DNAH12: variants seen among roughly 807,000 people sequenced by gnomAD.
The protein encoded by DNAH12 is axonemal beta dynein heavy chain 12.
Under a neutral mutation model 371.5 loss-of-function variants are expected in DNAH12, and 285 were observed. The observed-to-expected ratio is 0.77, with a 90% CI of 0.70 to 0.85. The LOEUF (loss-of-function observed/expected upper bound fraction) is 0.85, where lower values mean the gene tolerates loss of function less well. DNAH12 is among the 40% of genes least tolerant of loss of function. The pLI, the probability that DNAH12 is intolerant of heterozygous loss-of-function variation, is 0.00. For synonymous variants in DNAH12, 1,200 were observed against 1,213.0 expected (o/e 0.99, Z 0.22); for missense variants, 3,611 against 3,689.4 (o/e 0.98, Z 0.55).
intron 56 of DNAH12, among the ~76,000 whole-genome samples, 173 bp downstream of exon 56, chr3:57,367,873 G>A (rs2063085629): frequency 6.6e-6 from 1 of 152,168 alleles, no homozygotes; most frequent in African/African-American, 2.4e-5. Context: ...TAGAATACCT[G>A]GCTAAGGTTC....
chr3:57,461,006 T>C (rs1202726927), intron 19 of DNAH12, among the ~76,000 whole-genome samples: 2 of 152,216 alleles, frequency 1.3e-5, no homozygotes, highest in East Asian at 3.8e-4. Context: ...CCAGTTAGGA[T>C]AGTTTTCATA....
intron 64 of DNAH12, among the ~76,000 whole-genome samples, chr3:57,322,702 G>A (rs567993298): frequency 2.0e-5 from 3 of 152,228 alleles, no homozygotes; most frequent in African/African-American, 4.8e-5. Context: ...GGCTGAGGCG[G>A]GTGGATCACC....
At chr3:57,478,686 T>A (rs1460603379) in intron 13 of DNAH12, among the ~76,000 whole-genome samples, 1 of 152,118 alleles carries the variant, frequency 6.6e-6, no homozygotes, top group Non-Finnish European at 1.5e-5. Flanking sequence ...AAGGTTGGGT[T>A]ACCAACAAAG....
chr3:57,436,822 G>A, intron 30 of DNAH12, 129 bp downstream of exon 30: 2 of 592,544 alleles, frequency 3.4e-6, no homozygotes, highest in Non-Finnish European at 2.8e-6. Flanking sequence ...CCACTGGGGG[G>A]CCAGGGGGCG....
intron 4 of DNAH12, among the ~76,000 whole-genome samples, chr3:57,521,108 T>G (rs1281922181): frequency 6.8e-6 from 1 of 147,894 alleles, no homozygotes. Flanking sequence ...AAATTCTGGA[T>G]TGTGCTTTCG....
At chr3:57,415,319 T>G in intron 38 of DNAH12, 107 bp downstream of exon 38, 1 of 1,396,950 alleles carries the variant, frequency 7.2e-7, no homozygotes, top group Non-Finnish European at 9.5e-7. Context: ...TTGAAAGTTT[T>G]AAATTCATAG....
At chr3:57,342,979 G>GA (rs1470142617) in intron 60 of DNAH12, among the ~76,000 whole-genome samples, 13 of 151,952 alleles carry the variant, frequency 8.6e-5, no homozygotes, top group African/African-American at 3.1e-4. Flanking sequence ...AGCTGGGGTG[G>GA]AAGGATCACC....
Position 57,425,144 on chromosome 3 carries a change from G to A in DNAH12, c.5254-3C>T, listed in dbSNP as rs769294621. 38 of 693,196 alleles carry A rather than the reference G, an allele frequency of 5.5e-5. No homozygotes were observed. Among genetic ancestry groups the A allele is most frequent in the Middle Eastern group, 4.6e-4 (2 of 4,336 alleles). 42.9% of individuals were successfully genotyped at this position (693,196 alleles called of 1,614,324 possible). A position where few individuals can be genotyped will look rare whatever the true frequency, so the allele number is the denominator to read the frequency against. Reference sequence around the variant, plus strand: ...CTGTTGCTTGTAGGAATCAGTTCCTGCAAGGTGAAAATAAGATAACTTTCT... The same window carrying A: ...CTGTTGCTTGTAGGAATCAGTTCCTACAAGGTGAAAATAAGATAACTTTCT... On this transcript the variant is annotated splice_polypyrimidine_tract_variant and splice_region_variant and intron_variant, in intron 34 of 73. Coordinates refer to ENST00000495027, the MANE Select transcript of DNAH12 (RefSeq NM_001366028.2).
intron 37 of DNAH12, among the ~76,000 whole-genome samples, chr3:57,418,978 T>C (rs1055421165): frequency 1.3e-5 from 2 of 152,202 alleles, no homozygotes; most frequent in African/African-American, 2.4e-5. Flanking sequence ...AGAACTGGCA[T>C]AGGACATAGG....
intron 59 of DNAH12, among the ~76,000 whole-genome samples, chr3:57,356,856 C>T (rs1359751087): frequency 2.6e-5 from 4 of 152,166 alleles, no homozygotes; most frequent in African/African-American, 9.6e-5. Context: ...TCTCCTCCTG[C>T]CTCAGCCTCC....
rs571113402 is a variant in DNAH12, at chr3:57,539,818, G to C, written c.170+2883C>G. On this transcript the variant is annotated intron_variant, in intron 2 of 73. Transcript: ENST00000495027. ...TTTTTAGTAGAGACAGGGTTTCACT[G>C]TGTTAGCCAGGATGGTCTTGATCTT... Among the ~76,000 whole-genome samples, 27 of 151,714 alleles carry C rather than the reference G, an allele frequency of 1.8e-4. 1 individual carries two copies. The South Asian group carries it at 5.6e-3, about 32-fold the overall frequency.
Position 57,301,828 on chromosome 3 carries a change from C to G in DNAH12, c.11301G>C (p.Lys3767Asn), listed in dbSNP as rs1417080220. 1 of 1,551,592 alleles carries G rather than the reference C, an allele frequency of 6.4e-7. No homozygotes were observed. ...AACGTTTGGCCCATATTTCTGGAAC[C>G]TTTCCAACAAGTAAGCTACCGGAGA... Reference protein sequence around the residue: ...EALSGSLLVGKVPEIWAKRSY... With the variant: ...EALSGSLLVGNVPEIWAKRSY... Residue 3767 changes from lysine to asparagine, a missense_variant, in exon 70 of 74, where the codon AAG becomes AAC. By Grantham distance (94) the Lys-to-Asn change is moderately conservative. Coordinates refer to ENST00000495027, the MANE Select transcript of DNAH12 (RefSeq NM_001366028.2).
At chr3:57,393,394 G>A (rs1478959484) in intron 44 of DNAH12, among the ~76,000 whole-genome samples, 2 of 152,016 alleles carry the variant, frequency 1.3e-5, no homozygotes, top group African/African-American at 4.8e-5. Context: ...TTGGGGGGCC[G>A]AGGCAGGCGG....
intron 2 of DNAH12, among the ~76,000 whole-genome samples, chr3:57,524,604 A>G (rs75924238): frequency 0.072 from 10,903 of 152,122 alleles, 1,352 homozygotes; most frequent in African/African-American, 0.25. Flanking sequence ...AGAAGAAAAA[A>G]ACAGAGTGCC....
At chr3:57,415,702 T>C in intron 37 of DNAH12, 138 bp from the exon 38 acceptor site, 17 of 799,880 alleles carry the variant, frequency 2.1e-5, no homozygotes, top group Non-Finnish European at 3.1e-5. Flanking sequence ...TATAGTTATT[T>C]CATGAAAGAC....
At chr3:57,296,808 A>G in intron 71 of DNAH12, 39 bp downstream of exon 71, 1 of 1,541,264 alleles carries the variant, frequency 6.5e-7, no homozygotes, top group Non-Finnish European at 8.8e-7. Context: ...ACATGACTTA[A>G]TGTAATGATA....
intron 11 of DNAH12, among the ~76,000 whole-genome samples, chr3:57,492,426 C>T (rs2067159815): frequency 2.0e-5 from 3 of 151,972 alleles, no homozygotes; most frequent in Admixed American, 6.6e-5. Context: ...CACCATTGCA[C>T]TCCAGCCTGG....
Position 57,419,767 on chromosome 3 carries a change from G to T in DNAH12, c.5563-249C>A, listed in dbSNP as rs577366570. On this transcript the variant is annotated intron_variant, in intron 36 of 73. Coordinates refer to ENST00000495027, the MANE Select transcript of DNAH12 (RefSeq NM_001366028.2). ...TTTCAATTTTCATTTTTAATAACCT[G>T]AAAAATATAATGTAACTTTTGTTAT... Among the ~76,000 whole-genome samples, 679 of 152,066 alleles carry T rather than the reference G, an allele frequency of 4.5e-3. 4 individuals carry two copies. The highest frequency in any genetic ancestry group is 0.015 in the African/African-American group (641 of 41,494).
At chr3:57,395,409 T>C (rs1307900160) in intron 43 of DNAH12, among the ~76,000 whole-genome samples, 2 of 152,190 alleles carry the variant, frequency 1.3e-5, no homozygotes, top group Non-Finnish European at 2.9e-5. Context: ...ACCTTCTATA[T>C]TGTAAAACTA....
Sources: allele counts gnomAD v4.1 joint callset (sites outside exome capture counted in the v4.1 genomes callset), GRCh38; gene constraint gnomAD v4.1.1; transcripts MANE v1.5; gene names NCBI Gene and HGNC (gene_info 2026-07-23, HGNC 2026-07-21).